The following PDE1C variants were observed in gnomAD, a reference collection of about 807,000 sequenced individuals.
PDE1C encodes phosphodiesterase 1C.
PDE1C carries 62 observed loss-of-function variants against 93.1 expected under a neutral mutation model. That is an observed-to-expected ratio of 0.67 (90% CI 0.54 to 0.82). PDE1C has a LOEUF of 0.82. PDE1C is among the 40% of genes least tolerant of loss of function. The pLI is 0.00. For synonymous variants in PDE1C, 325 were observed against 310.1 expected (o/e 1.05, Z -0.50); for missense variants, 742 against 884.6 (o/e 0.84, Z 2.04).
At chr7:31,642,285 T>G in the PDE1C span, 2 of 1,453,366 alleles carry the variant, frequency 1.4e-6, no homozygotes, top group East Asian at 2.5e-5. Context: ...CAGGGCCCTG[T>G]TGCTCATCCC....
At chr7:32,140,486 C>T (rs1800454201) in intron 3 of PDE1C, among the ~76,000 whole-genome samples, 1 of 152,216 alleles carries the variant, frequency 6.6e-6, no homozygotes. Context: ...TAGATGATCT[C>T]ATCCAACTAT....
intron 1 of PDE1C, among the ~76,000 whole-genome samples, chr7:32,304,409 T>C (rs998898369): frequency 3.3e-5 from 5 of 152,222 alleles, no homozygotes; most frequent in Admixed American, 3.3e-4. Context: ...TGCAAGGCTG[T>C]GTGGCCAGGA....
chr7:32,181,778 A>G (rs1803449393), intron 2 of PDE1C, among the ~76,000 whole-genome samples: 1 of 152,212 alleles, frequency 6.6e-6, no homozygotes, highest in Non-Finnish European at 1.5e-5. Flanking sequence ...AAGCTAGCAG[A>G]AGGCAAGAAA....
chr7:32,193,920 T>TG (rs201916516), intron 2 of PDE1C, among the ~76,000 whole-genome samples: 18,861 of 144,776 alleles, frequency 0.13, 1,428 homozygotes, highest in South Asian at 0.19. Flanking sequence ...TGTTTTGTTT[T>TG]TTTTTTTTTT....
chr7:32,086,459 T>C (rs1003574555), intron 3 of PDE1C, among the ~76,000 whole-genome samples: 13 of 152,114 alleles, frequency 8.5e-5, no homozygotes, highest in African/African-American at 2.7e-4. Context: ...AATGCCATCC[T>C]CATCAAGCTA....
At chr7:31,843,201 TATTA>T (rs1252951672) in intron 9 of PDE1C, among the ~76,000 whole-genome samples, 2 of 151,998 alleles carry the variant, frequency 1.3e-5, no homozygotes, top group Non-Finnish European at 2.9e-5. Context: ...GTTCTATAAA[TATTA>T]ATTAAGGCAA....
the PDE1C span, among the ~76,000 whole-genome samples, chr7:31,716,583 T>C: frequency 4.6e-5 from 7 of 152,232 alleles, no homozygotes; most frequent in South Asian, 4.1e-4. Context: ...ACCATGATCA[T>C]TGACCACATG....
At chr7:32,358,897 C>CTGTGTGTGTGTGTGTG (rs71559224) in intron 1 of PDE1C, among the ~76,000 whole-genome samples, 9,553 of 145,322 alleles carry the variant, frequency 0.066, 352 homozygotes, top group East Asian at 0.099. Context: ...GTGTGTGTGT[C>CTGTGTGTGTGTGTGTG]TGTGTGTGTG....
At chr7:32,374,199 G>GAAAGAAAGAAGAAAGAAA (rs1562695857) in intron 1 of PDE1C, among the ~76,000 whole-genome samples, 3 of 123,098 alleles carry the variant, frequency 2.4e-5, no homozygotes, top group Admixed American at 8.4e-5. Flanking sequence ...AGAAAGAGAG[G>GAAAGAAAGAAGAAAGAAA]GAAAGAGAGG....
chr7:32,164,589 TCA>T (rs1802110141), intron 3 of PDE1C, among the ~76,000 whole-genome samples: 1 of 152,214 alleles, frequency 6.6e-6, no homozygotes, highest in Admixed American at 6.5e-5. Flanking sequence ...TCTCTGAGCC[TCA>T]GTTTCCTGAC....
At chr7:31,688,293 G>A in the PDE1C span, among the ~76,000 whole-genome samples, 1 of 152,224 alleles carries the variant, frequency 6.6e-6, no homozygotes, top group African/African-American at 2.4e-5. Context: ...CAGCTAGAGA[G>A]TGGTACAAGC....
At chr7:31,735,329 C>A in the PDE1C span, among the ~76,000 whole-genome samples, 1 of 150,090 alleles carries the variant, frequency 6.7e-6, no homozygotes, top group Non-Finnish European at 1.5e-5. Flanking sequence ...ACCCAGGAGG[C>A]GGAGGTTGCA....
chr7:31,897,246 T>G (rs1431183286), intron 2 of PDE1C, among the ~76,000 whole-genome samples: 2 of 152,210 alleles, frequency 1.3e-5, no homozygotes, highest in African/African-American at 4.8e-5. Context: ...AGGGAAGGCA[T>G]GGATTCAATG....
chr7:32,135,148 T>C (rs1471768077), intron 3 of PDE1C, among the ~76,000 whole-genome samples: 8 of 152,066 alleles, frequency 5.3e-5, no homozygotes, highest in Non-Finnish European at 1.2e-4. Context: ...CCTCCCAACA[T>C]GCCAGTCTAG....
chr7:31,664,287 T>G, the PDE1C span, among the ~76,000 whole-genome samples: 11 of 151,332 alleles, frequency 7.3e-5, no homozygotes, highest in African/African-American at 2.7e-4. Context: ...AAAGATGTAC[T>G]TACGCACAGA....
intron 1 of PDE1C, among the ~76,000 whole-genome samples, chr7:32,320,182 C>A (rs1218905767): frequency 6.6e-6 from 1 of 152,156 alleles, no homozygotes; most frequent in Non-Finnish European, 1.5e-5. Flanking sequence ...GTTTGTGTTT[C>A]ATTTTGTATG....
chr7:31,874,330 G>A (rs1202590508), intron 5 of PDE1C, among the ~76,000 whole-genome samples: 1 of 152,184 alleles, frequency 6.6e-6, no homozygotes, highest in Admixed American at 6.5e-5. Context: ...TTAAGCAATG[G>A]TTAAAGCAAC....
At chr7:32,095,280 A>G (rs1797691306) in intron 3 of PDE1C, among the ~76,000 whole-genome samples, 1 of 152,208 alleles carries the variant, frequency 6.6e-6, no homozygotes, top group Non-Finnish European at 1.5e-5. Context: ...GGCATTTCCG[A>G]TGAGGGGCAG....
At chr7:31,795,474 C>T (rs949782142) in intron 16 of PDE1C, among the ~76,000 whole-genome samples, 3 of 151,670 alleles carry the variant, frequency 2.0e-5, no homozygotes, top group Admixed American at 6.6e-5. Flanking sequence ...ATTTTAATTC[C>T]CTCTGTCAAA....
Sources: gnomAD v4.1 joint callset for allele counts (sites outside exome capture counted in the v4.1 genomes callset) on GRCh38, gnomAD v4.1.1 for gene constraint, MANE v1.5 for transcripts, NCBI Gene and HGNC (gene_info 2026-07-23, HGNC 2026-07-21) for gene names.